FIGN: variants seen among roughly 807,000 people sequenced by gnomAD.
The protein encoded by FIGN is fidgetin, microtubule severing factor.
Under a neutral mutation model 51.3 loss-of-function variants are expected in FIGN, and 11 were observed. The ratio of observed to expected loss-of-function variants is 0.21; its 90% CI spans 0.13 to 0.35. The LOEUF (loss-of-function observed/expected upper bound fraction) is 0.35. Among genes scored for constraint, FIGN ranks in the 10% least tolerant of loss-of-function variants. The pLI is 1.00. For missense variants in FIGN, 857 were observed against 943.6 expected, an observed-to-expected ratio of 0.91 and a Z score of 1.20; for synonymous variants, 407 against 363.2, an observed-to-expected ratio of 1.12 and a Z score of -1.37.
At chr2:163,655,785 GCACA>G (rs375367199) in intron 2 of FIGN, among the ~76,000 whole-genome samples, 98 of 143,972 alleles carry the variant, frequency 6.8e-4, no homozygotes, top group African/African-American at 2.2e-3. Context: ...ACACACACAC[GCACA>G]CACACACACA....
intron 2 of FIGN, among the ~76,000 whole-genome samples, chr2:163,680,640 T>G (rs1299376632): frequency 6.6e-6 from 1 of 152,186 alleles, no homozygotes; most frequent in African/African-American, 2.4e-5. Flanking sequence ...CCTTCCGTCC[T>G]ATAATTTGGC....
intron 2 of FIGN, among the ~76,000 whole-genome samples, chr2:163,677,327 A>C (rs1683988658): frequency 6.6e-6 from 1 of 152,214 alleles, no homozygotes; most frequent in Non-Finnish European, 1.5e-5. Flanking sequence ...AAATATGAAC[A>C]ATTTTATCCC....
Position 163,622,818 on chromosome 2 carries a change from G to A in FIGN, c.26-11012C>T, listed in dbSNP as rs567781741. On this transcript the variant is annotated intron_variant, in intron 2 of 2. Transcript: ENST00000333129. ...GGACTCAAGTGATCCACCCACCTAG[G>A]CCTCCCAAAGTGCTGGAATTACAGG... 7.9e-5 allele frequency among the ~76,000 whole-genome samples: 12 copies of A among 152,202 alleles called. No individual in the cohort carries two copies. In the East Asian group the frequency reaches 1.9e-3, roughly 25 times the overall value.
At chr2:163,711,801 A>G (rs1684592598) in intron 2 of FIGN, among the ~76,000 whole-genome samples, 1 of 152,212 alleles carries the variant, frequency 6.6e-6, no homozygotes, top group Admixed American at 6.5e-5. Flanking sequence ...CGGAAAACTG[A>G]ACGTTAGATT....
At chr2:163,659,272 A>T (rs540898703) in intron 2 of FIGN, among the ~76,000 whole-genome samples, 2 of 152,346 alleles carry the variant, frequency 1.3e-5, no homozygotes, top group African/African-American at 4.8e-5. Flanking sequence ...AGCCTCTGGA[A>T]GAAATTTGAA....
In FIGN at chr2:163,609,250, G is replaced by A; in HGVS notation, c.*302C>T. 4 of 314,772 alleles carry A rather than the reference G, an allele frequency of 1.3e-5. No homozygotes were observed. The highest frequency in any genetic ancestry group is 9.3e-5 in the South Asian group (1 of 10,778). 19.5% of individuals were successfully genotyped at this position (314,772 alleles called of 1,614,324 possible). A position where few individuals can be genotyped will look rare whatever the true frequency, so the allele number is the denominator to read the frequency against. The stretch of plus-strand genomic sequence containing the variant: ...GAACAGCAGAATGGAATCAACACAC[G>A]AGGTTCATGTCCTTCTGAAATCAAC... On this transcript the variant is annotated 3_prime_UTR_variant, in exon 3 of 3. Transcript: ENST00000333129.
intron 2 of FIGN, among the ~76,000 whole-genome samples, chr2:163,643,650 C>CAAA (rs60064980): frequency 1.0e-5 from 1 of 99,372 alleles, no homozygotes; most frequent in African/African-American, 3.7e-5. Flanking sequence ...GACTCAGTCT[C>CAAA]AAAAAAAAAA....
chr2:163,734,334 C>A (rs576976847), intron 2 of FIGN, among the ~76,000 whole-genome samples: 1 of 146,376 alleles, frequency 6.8e-6, no homozygotes, highest in South Asian at 2.2e-4. Context: ...CACCTCTTCA[C>A]TTACCCGCCC....
Position 163,609,902 on chromosome 2 carries a change from A to G in FIGN, c.1930T>C (p.Phe644Leu), listed in dbSNP as rs369917415. The G allele has an allele frequency of 1.9e-5, 30 of 1,614,020 alleles. No homozygotes were observed. Among genetic ancestry groups the G allele is most frequent in the Non-Finnish European group, 5.1e-6 (6 of 1,180,038 alleles). Residue 644 changes from phenylalanine to leucine, a missense_variant, in exon 3 of 3, where the codon TTC (phenylalanine) becomes CTC (leucine). This residue lies in a region of FIGN where 799 missense variants were observed against 849.5 expected (regional missense o/e 0.94). Coordinates refer to ENST00000333129, the MANE Select transcript of FIGN (RefSeq NM_018086.4). ...AGTGGGATTAAAAGTCGTTTCATGA[A>G]GTACCTCCGAAGGGATTCATCTATT... The part of the protein sequence containing the change: ...EEIDESLRRY[F>L]MKRLLIPLPD...
In FIGN at chr2:163,611,453, C is replaced by T; in HGVS notation, c.379G>A (p.Val127Ile). ...AVYPMNCVPD[V>I]ITASKAGVSS... ...ACTCCAGCTTTGCTGGCAGTGATAA[C>T]ATCCGGAACACAGTTCATGGGATAA... The change falls in exon 3 of 3, where the codon GTT (valine) becomes ATT (isoleucine). Residue 127 changes from valine to isoleucine, a missense_variant. Coordinates refer to ENST00000333129, the MANE Select transcript of FIGN (RefSeq NM_018086.4). The T allele has an allele frequency of 6.2e-7, 1 of 1,614,156 alleles. No homozygotes were observed. The highest frequency in any genetic ancestry group is 8.5e-7 in the Non-Finnish European group (1 of 1,180,016).
At position 163,726,613 on chromosome 2, in the gene FIGN, G is replaced by A. The variant is rs540355613; in HGVS notation, c.25+8290C>T. On this transcript the variant is annotated intron_variant, in intron 2 of 2. Transcript: ENST00000333129. Reference sequence around the variant, plus strand: ...AAGGATACATTTTCTAACTAACCCCGTTAACCTAAATACTCATAAAGGAAT... The same window carrying A: ...AAGGATACATTTTCTAACTAACCCCATTAACCTAAATACTCATAAAGGAAT... Among the ~76,000 whole-genome samples, 16 of 151,794 alleles carry A rather than the reference G, an allele frequency of 1.1e-4. No homozygotes were observed. The East Asian group carries it at 2.3e-3, about 22-fold the overall frequency.
intron 2 of FIGN, among the ~76,000 whole-genome samples, chr2:163,630,044 T>TCAAC (rs1218224712): frequency 7.8e-6 from 1 of 128,322 alleles, no homozygotes; most frequent in Non-Finnish European, 1.6e-5. Flanking sequence ...CACGGCAACC[T>TCAAC]CAACCTCCTG....
chr2:163,677,996 T>C (rs1007438089), intron 2 of FIGN, among the ~76,000 whole-genome samples: 14 of 152,226 alleles, frequency 9.2e-5, no homozygotes, highest in Non-Finnish European at 2.1e-4. Context: ...GCTGAAAAGA[T>C]AGTAGAGTTG....
Position 163,611,153 on chromosome 2 carries a change from G to T in FIGN, c.679C>A (p.Pro227Thr). ...CCTGGGACCAAGGCTGGTGGCGGAG[G>T]AGGTGGTGGTGGGGGCTGTAGTAGC... is the stretch of plus-strand genomic sequence containing the variant. ...SGLLQPPPPP[P>T]PPPALVPGYN... Residue 227 changes from proline to threonine, a missense_variant, in exon 3 of 3, where the codon CCT (proline) becomes ACT (threonine). This residue lies in a region of FIGN where 799 missense variants were observed against 849.5 expected (regional missense o/e 0.94). Coordinates refer to ENST00000333129, the MANE Select transcript of FIGN (RefSeq NM_018086.4). 6.2e-7 allele frequency: 1 copy of T among 1,614,146 alleles called. No individual in the cohort carries two copies. The highest frequency in any genetic ancestry group is 8.5e-7 in the Non-Finnish European group (1 of 1,180,018).
Position 163,721,755 on chromosome 2 carries a change from GC to G in FIGN, c.25+13147del, listed in dbSNP as rs1039131944. 4.6e-5 allele frequency among the ~76,000 whole-genome samples: 7 copies of G among 152,132 alleles called. 1 individual carries two copies. Among genetic ancestry groups the G allele is most frequent in the Middle Eastern group, 6.3e-3 (2 of 316 alleles). ...ATCTAGAACTTTTCAGCTCTCAAGAGCCCAAATTGGAAGAAAACGAGTGAGC... is the reference window on the plus strand; with the variant it reads ...ATCTAGAACTTTTCAGCTCTCAAGAGCCAAATTGGAAGAAAACGAGTGAGC... On this transcript the variant is annotated intron_variant, in intron 2 of 2. Coordinates refer to ENST00000333129, the MANE Select transcript of FIGN (RefSeq NM_018086.4).
At chr2:163,675,706 C>CTTTTTTTTTTTTTTTTT (rs900840520) in intron 2 of FIGN, among the ~76,000 whole-genome samples, 13 of 100,512 alleles carry the variant, frequency 1.3e-4, no homozygotes, top group African/African-American at 2.6e-4. Context: ...TTCTTTCTTT[C>CTTTTTTTTTTTTTTTTT]TTTTTTTTTT....
At chr2:163,733,179 T>A (rs914432030) in intron 2 of FIGN, among the ~76,000 whole-genome samples, 1 of 152,168 alleles carries the variant, frequency 6.6e-6, no homozygotes, top group East Asian at 1.9e-4. Context: ...CATCGGACAT[T>A]TAAACATAGG....
intron 2 of FIGN, among the ~76,000 whole-genome samples, chr2:163,645,219 G>A (rs1683364152): frequency 6.6e-6 from 1 of 152,110 alleles, no homozygotes; most frequent in Admixed American, 6.5e-5. Context: ...GGCTTTTCAG[G>A]TATGATAGGA....
chr2:163,677,904 T>C (rs946772135), intron 2 of FIGN, among the ~76,000 whole-genome samples: 20 of 152,208 alleles, frequency 1.3e-4, no homozygotes, highest in Admixed American at 1.0e-3. Flanking sequence ...AGATGCAATA[T>C]ATACTGAATA....
Sources: gnomAD v4.1 joint callset for allele counts (sites outside exome capture counted in the v4.1 genomes callset) on GRCh38, gnomAD v4.1.1 for gene constraint, gnomAD v4.1.1 regional missense constraint, MANE v1.5 for transcripts, NCBI Gene and HGNC (gene_info 2026-07-23, HGNC 2026-07-21) for gene names.